The following TRIM69 variants were observed in gnomAD, a reference collection of about 807,000 sequenced individuals.
TRIM69 encodes the protein tripartite motif containing 69, also known as E3 ubiquitin-protein ligase TRIM69.
Under a neutral mutation model 37.7 loss-of-function variants are expected in TRIM69, and 29 were observed. The observed-to-expected ratio is 0.77, with a 90% CI of 0.57 to 1.05. The LOEUF (loss-of-function observed/expected upper bound fraction) is 1.05. Ranked by LOEUF, TRIM69 falls within the 50% of genes least tolerant of loss-of-function variation. TRIM69 has a pLI of 0.00. For missense variants in TRIM69, 596 were observed against 579.9 expected (o/e 1.03, Z -0.28); for synonymous variants, 209 against 212.4 (o/e 0.98, Z 0.14).
chr15:44,753,495 A>G (rs1384425034), intron 1 of TRIM69: 1 of 151,878 alleles, frequency 6.6e-6, no homozygotes, highest in African/African-American at 2.4e-5. Flanking sequence ...TGGCTTTCAT[A>G]TTTTCTGAAA....
intron 2 of TRIM69, 93 bp from the exon 3 acceptor site, chr15:44,756,275 T>C (rs1031416225): frequency 2.4e-6 from 2 of 835,890 alleles, no homozygotes; most frequent in Non-Finnish European, 1.9e-6. Context: ...AAGAGCTTGC[T>C]TTTTTCTTGC....
intron 4 of TRIM69, 148 bp from the exon 5 acceptor site, chr15:44,759,492 A>T: frequency 1.3e-6 from 1 of 761,140 alleles, no homozygotes; most frequent in African/African-American, 1.7e-5. Flanking sequence ...AGGGATGAAG[A>T]TTAGAAAAAG....
At chr15:44,742,803 T>G (rs970850522) in intron 1 of TRIM69, among the ~76,000 whole-genome samples, 19 of 149,718 alleles carry the variant, frequency 1.3e-4, no homozygotes, top group African/African-American at 2.2e-4. Context: ...CACTGCTCAA[T>G]GAAATAAAAG....
chr15:44,750,530 C>T (rs79708588), intron 1 of TRIM69, among the ~76,000 whole-genome samples: 2,319 of 152,074 alleles, frequency 0.015, 56 homozygotes, highest in African/African-American at 0.051. Context: ...TGTTGGCATA[C>T]AATTGTTCAT....
Position 44,767,729 on chromosome 15 carries a change from G to A in TRIM69, c.1460G>A (p.Gly487Asp), listed in dbSNP as rs773291642. ...YPYFCPCLND[G>D]GENKEPLHIL... is the part of the protein sequence containing the mutation. ...TACTTCTGCCCCTGCCTTAATGATG[G>A]TGGAGAGAATAAAGAACCATTGCAC... The change falls in exon 7 of 7, where the codon GGT becomes GAT. Residue 487 changes from glycine to aspartate, a missense_variant. Gly to Asp is a moderately conservative substitution (Grantham distance 94). Transcript: ENST00000329464. 6.2e-7 allele frequency: 1 copy of A among 1,613,698 alleles called. No homozygotes were observed. The highest frequency in any genetic ancestry group is 8.5e-7 in the Non-Finnish European group (1 of 1,180,014).
chr15:44,767,203 G>T, intron 6 of TRIM69, 28 bp from the exon 7 acceptor site: 1 of 1,587,670 alleles, frequency 6.3e-7, no homozygotes. Flanking sequence ...TTTCTCCCAT[G>T]CTCTGCTTTC....
At chr15:44,744,118 A>C (rs2087350785) in intron 1 of TRIM69, among the ~76,000 whole-genome samples, 1 of 151,788 alleles carries the variant, frequency 6.6e-6, no homozygotes, top group Non-Finnish European at 1.5e-5. Flanking sequence ...ATGGAATACT[A>C]TGCAGCCATA....
chr15:44,739,874 G>A (rs1596012392), intron 1 of TRIM69, among the ~76,000 whole-genome samples: 3 of 151,650 alleles, frequency 2.0e-5, no homozygotes, highest in African/African-American at 7.3e-5. Context: ...TTTGAAGAGA[G>A]CAGTGGTTCT....
intron 3 of TRIM69, 36 bp from the exon 4 acceptor site, chr15:44,758,585 T>C: frequency 6.8e-6 from 11 of 1,611,472 alleles, no homozygotes; most frequent in Non-Finnish European, 9.3e-6. Flanking sequence ...CACTAGTCTC[T>C]GCAATAACCA....
At chr15:44,740,473 A>G (rs1428526547) in intron 1 of TRIM69, among the ~76,000 whole-genome samples, 1 of 152,230 alleles carries the variant, frequency 6.6e-6, no homozygotes, top group East Asian at 1.9e-4. Context: ...AAAGAAGTTA[A>G]AAACTTTGAA....
intron 1 of TRIM69, 123 bp downstream of exon 1, chr15:44,736,833 T>C: frequency 1.8e-6 from 2 of 1,110,680 alleles, no homozygotes; most frequent in Non-Finnish European, 2.6e-6. Flanking sequence ...AGTATTTAAC[T>C]TGTGACAGCT....
chr15:44,766,035 T>G (rs1336766796), intron 6 of TRIM69, among the ~76,000 whole-genome samples: 1 of 152,206 alleles, frequency 6.6e-6, no homozygotes, highest in Non-Finnish European at 1.5e-5. Flanking sequence ...TGCTGCCCTT[T>G]GAATTGTCTA....
rs2141139869 is a variant in TRIM69 at position 44,756,366 on chromosome 15, A to G, written c.484-2A>G. On this transcript the variant is annotated splice_acceptor_variant, in intron 2 of 6. Transcript: ENST00000329464. LOFTEE classifies it high-confidence loss of function. ...TGGGTTAATTCTATTTGATATTCCCAGGAGGAGCTTGCCATCCAACAGGGT... is the reference window on the plus strand; with the variant it reads ...TGGGTTAATTCTATTTGATATTCCCGGGAGGAGCTTGCCATCCAACAGGGT... 1 of 1,546,670 alleles carries G rather than the reference A, an allele frequency of 6.5e-7. No individual in the cohort carries two copies. The highest frequency in any genetic ancestry group is 2.4e-5 in the East Asian group (1 of 40,900).
At position 44,767,476 on chromosome 15, in the gene TRIM69, G is replaced by C; in HGVS notation, c.1207G>C (p.Gly403Arg). 6.2e-7 allele frequency: 1 copy of C among 1,614,150 alleles called. No individual in the cohort carries two copies. The highest frequency in any genetic ancestry group is 8.5e-7 in the Non-Finnish European group (1 of 1,180,020). The change falls in exon 7 of 7, where the codon GGC becomes CGC. Residue 403 changes from glycine to arginine, a missense_variant. By Grantham distance (125) the Gly-to-Arg change is moderately radical. Coordinates refer to ENST00000329464, the MANE Select transcript of TRIM69 (RefSeq NM_182985.5). Reference sequence around the variant, plus strand: ...TGTCAGAGAATCCATCATTCGGAAGGGCAGCTGTCCTCTAACTCCTGAGCA... The same window carrying C: ...TGTCAGAGAATCCATCATTCGGAAGCGCAGCTGTCCTCTAACTCCTGAGCA... Reference protein sequence around the residue: ...GVVRESIIRKGSCPLTPEQGF... With the variant: ...GVVRESIIRKRSCPLTPEQGF...
chr15:44,746,563 C>T (rs1351122746), intron 1 of TRIM69, among the ~76,000 whole-genome samples: 1 of 152,060 alleles, frequency 6.6e-6, no homozygotes, highest in Non-Finnish European at 1.5e-5. Flanking sequence ...CAAAGAATAG[C>T]ACATAGTATT....
Position 44,767,317 on chromosome 15 carries a change from A to C in TRIM69, c.1048A>C (p.Ile350Leu). 1 of 1,614,138 alleles carries C rather than the reference A, an allele frequency of 6.2e-7. No homozygotes were observed. ...KSQTSVWHGDIKKIMPDDPER... is the reference protein window; with the variant it reads ...KSQTSVWHGDLKKIMPDDPER... ...CCAAACCAGCGTCTGGCATGGTGAC[A>C]TTAAGAAGATAATGCCTGATGATCC... The change falls in exon 7 of 7, where the codon ATT becomes CTT. Residue 350 changes from isoleucine (I) to leucine (L), a missense_variant. Physicochemically the swap from Ile to Leu is conservative, Grantham distance 5 (BLOSUM62 2). Transcript: ENST00000329464.
chr15:44,740,577 C>T (rs1363362153), intron 1 of TRIM69, among the ~76,000 whole-genome samples: 2 of 152,120 alleles, frequency 1.3e-5, no homozygotes, highest in African/African-American at 4.8e-5. Context: ...ACCCATCTCA[C>T]ATGCAGAGAC....
chr15:44,763,518 G>A (rs1226535684), intron 6 of TRIM69, among the ~76,000 whole-genome samples: 1 of 152,138 alleles, frequency 6.6e-6, no homozygotes, highest in Non-Finnish European at 1.5e-5. Flanking sequence ...CAGTCATTGT[G>A]CACAGCCCAC....
intron 1 of TRIM69, among the ~76,000 whole-genome samples, chr15:44,743,465 C>T (rs144252617): frequency 1.4e-4 from 22 of 152,068 alleles, no homozygotes; most frequent in Admixed American, 3.3e-4. Flanking sequence ...TTGACAAATG[C>T]GATCTAATTA....
Sources: gnomAD v4.1 joint callset for allele counts (sites outside exome capture counted in the v4.1 genomes callset) on GRCh38, gnomAD v4.1.1 for gene constraint, MANE v1.5 for transcripts, NCBI Gene and HGNC (gene_info 2026-07-23, HGNC 2026-07-21) for gene names.